CACNA1A: variants seen among roughly 807,000 people sequenced by gnomAD.
CACNA1A encodes the protein calcium voltage-gated channel subunit alpha1 A.
CACNA1A carries 57 observed loss-of-function variants against 262.4 expected under a neutral mutation model. That is an observed-to-expected ratio of 0.22 (90% CI 0.18 to 0.27). The LOEUF (loss-of-function observed/expected upper bound fraction) is 0.27, where lower values mean the gene tolerates loss of function less well. Among genes scored for constraint, CACNA1A ranks in the 10% least tolerant of loss-of-function variants. CACNA1A has a pLI of 1.00. For missense variants in CACNA1A, 2,526 were observed against 3,562.8 expected (o/e 0.71, Z 7.41); for synonymous variants, 1,431 against 1,419.3 (o/e 1.01, Z -0.18).
intron 11 of CACNA1A, chr19:13,315,688 G>C (rs10401324): frequency 0.091 from 13,803 of 152,338 alleles, 818 homozygotes; most frequent in African/African-American, 0.17. Context: ...GTGTCCTGGG[G>C]GGTCAGCCAA....
Position 13,286,745 on chromosome 19 carries a change from C to T in CACNA1A, c.3311G>A (p.Gly1104Asp), listed in dbSNP as rs1273185164. 1.9e-6 allele frequency: 3 copies of T among 1,606,400 alleles called. No individual in the cohort carries two copies. Among genetic ancestry groups the T allele is most frequent in the African/African-American group, 1.3e-5 (1 of 74,744 alleles). Residue 1104 changes from glycine (G) to aspartate (D), a missense_variant, in exon 20 of 47, where the codon GGC becomes GAC. This residue lies in a region of CACNA1A where 765 missense variants were observed against 748.6 expected (regional missense o/e 1.02). Coordinates refer to ENST00000360228, the MANE Select transcript of CACNA1A (RefSeq NM_001127222.2). ...CATGGCAGGGATGGCCAGCATGGGGCCGGGGTCGGTGCTGTTTCCCATCTT... is the reference window on the plus strand; with the variant it reads ...CATGGCAGGGATGGCCAGCATGGGGTCGGGGTCGGTGCTGTTTCCCATCTT... ...PAKMGNSTDP[G>D]PMLAIPAMAT...
chr19:13,347,269 C>T (rs1458000890), intron 6 of CACNA1A, among the ~76,000 whole-genome samples: 3 of 151,498 alleles, frequency 2.0e-5, no homozygotes, highest in Non-Finnish European at 4.4e-5. Flanking sequence ...TCACTATGTG[C>T]CTAGGCTGGT....
chr19:13,388,263 T>C (rs2059651477), intron 3 of CACNA1A, among the ~76,000 whole-genome samples: 1 of 143,796 alleles, frequency 7.0e-6, no homozygotes, highest in Admixed American at 7.0e-5. Flanking sequence ...TTTTTTTTTT[T>C]TTTTTTTTTT....
In CACNA1A at chr19:13,379,704, T is replaced by C. The variant is rs188752364; in HGVS notation, c.540-7925A>G. On this transcript the variant is annotated intron_variant, in intron 3 of 46. Coordinates refer to ENST00000360228, the MANE Select transcript of CACNA1A (RefSeq NM_001127222.2). ...ACTTTGGGAGGCCAAGGCTGGCGGATCACAAGGTCAGGAGTTCGAGACCAG... is the reference window on the plus strand; with the variant it reads ...ACTTTGGGAGGCCAAGGCTGGCGGACCACAAGGTCAGGAGTTCGAGACCAG... Among the ~76,000 whole-genome samples the C allele has an allele frequency of 1.6e-3, 247 of 151,864 alleles. 1 individual carries two copies. Among genetic ancestry groups the C allele is most frequent in the Middle Eastern group, 3.4e-3 (1 of 294 alleles).
intron 1 of CACNA1A, among the ~76,000 whole-genome samples, chr19:13,473,653 T>C (rs1978296835): frequency 6.6e-6 from 1 of 152,180 alleles, no homozygotes; most frequent in African/African-American, 2.4e-5. Flanking sequence ...TCTTTTCCTG[T>C]TACAAGTTCC....
chr19:13,245,640 G>T, intron 30 of CACNA1A: 1 of 196,824 alleles, frequency 5.1e-6, no homozygotes, highest in Admixed American at 5.9e-5. Flanking sequence ...GGAGGGAAGG[G>T]TTATCACCCA....
chr19:13,402,771 T>C (rs371881972), intron 3 of CACNA1A, among the ~76,000 whole-genome samples: 5 of 130,764 alleles, frequency 3.8e-5, no homozygotes, highest in Non-Finnish European at 6.2e-5. Flanking sequence ...TATATATACA[T>C]ATATATACAT....
chr19:13,492,541 G>A (rs1981015699), intron 1 of CACNA1A, among the ~76,000 whole-genome samples: 1 of 152,146 alleles, frequency 6.6e-6, no homozygotes, highest in Non-Finnish European at 1.5e-5. Flanking sequence ...TCTGTCCTAG[G>A]GAAACAGTGA....
chr19:13,235,931 G>A (rs544242498), intron 31 of CACNA1A: 2 of 517,460 alleles, frequency 3.9e-6, no homozygotes, highest in Admixed American at 3.4e-5. Flanking sequence ...GGGAGAGAGA[G>A]GGTGGGAGGG....
intron 6 of CACNA1A, among the ~76,000 whole-genome samples, chr19:13,340,546 C>T (rs1479406009): frequency 6.6e-6 from 1 of 151,748 alleles, no homozygotes; most frequent in Admixed American, 6.6e-5. Context: ...CCTGCCTCAC[C>T]CTCCCAAGTA....
At position 13,212,710 on chromosome 19, in the gene CACNA1A, C is replaced by T. The variant is rs2054860673; in HGVS notation, c.5971G>A (p.Glu1991Lys). 1 of 1,507,818 alleles carries T rather than the reference C, an allele frequency of 6.6e-7. No individual in the cohort carries two copies. The highest frequency in any genetic ancestry group is 8.9e-7 in the Non-Finnish European group (1 of 1,129,110). 93.4% of individuals were successfully genotyped at this position (1,507,818 alleles called of 1,614,324 possible). A position where few individuals can be genotyped will look rare whatever the true frequency, so the allele number is the denominator to read the frequency against. Residue 1991 changes from glutamate to lysine, a missense_variant, in exon 41 of 47, where the codon GAG becomes AAG. Transcript: ENST00000360228. The surrounding 1 kb of genome is among the most constrained non-coding windows in gnomAD (Gnocchi z 5.6). The stretch of plus-strand genomic sequence containing the variant: ...CCTTCCTGCGTTGGGGACGGGGGCT[C>T]CATGCGCTGGAACATGAGGGGTGTC... Reference protein sequence around the residue: ...DRTPLMFQRMEPPSPTQEGGP... With the variant: ...DRTPLMFQRMKPPSPTQEGGP...
intron 3 of CACNA1A, among the ~76,000 whole-genome samples, chr19:13,380,909 G>A (rs1272674233): frequency 1.3e-5 from 2 of 151,870 alleles, no homozygotes; most frequent in Admixed American, 1.3e-4. Context: ...AAGTAGCTGG[G>A]ACTACAGGTG....
chr19:13,454,473 C>T (rs998837910), intron 2 of CACNA1A, among the ~76,000 whole-genome samples: 10 of 151,906 alleles, frequency 6.6e-5, no homozygotes, highest in South Asian at 2.1e-4. Flanking sequence ...CGGGTTCAAG[C>T]GATTCTCCTG....
chr19:13,362,834 G>A (rs1474196970), intron 5 of CACNA1A: 1 of 152,178 alleles, frequency 6.6e-6, no homozygotes, highest in Non-Finnish European at 1.5e-5. Flanking sequence ...GCACGGTGCT[G>A]GGCACACAGG....
intron 10 of CACNA1A, among the ~76,000 whole-genome samples, chr19:13,319,432 CCATT>C (rs2058201562): frequency 6.6e-6 from 1 of 152,202 alleles, no homozygotes; most frequent in Admixed American, 6.5e-5. Flanking sequence ...ATTCATCCAT[CCATT>C]CATTATTCAT....
intron 30 of CACNA1A, among the ~76,000 whole-genome samples, chr19:13,250,439 C>G (rs1259069272): frequency 1.3e-5 from 2 of 151,892 alleles, no homozygotes; most frequent in Non-Finnish European, 2.9e-5. Flanking sequence ...CTCTGTCACC[C>G]AGGCTGGAGT....
At chr19:13,374,441 G>A (rs1303974252) in intron 3 of CACNA1A, among the ~76,000 whole-genome samples, 2 of 151,974 alleles carry the variant, frequency 1.3e-5, no homozygotes, top group African/African-American at 4.8e-5. Context: ...GTAGAGATGG[G>A]GTCTTGCTAT....
intron 19 of CACNA1A, among the ~76,000 whole-genome samples, chr19:13,296,061 T>C (rs753736968): frequency 1.8e-4 from 27 of 152,308 alleles, no homozygotes; most frequent in Non-Finnish European, 3.7e-4. Context: ...GGTGATTTTG[T>C]GTATGGTGTA....
At position 13,506,186 on chromosome 19, in the gene CACNA1A, C is replaced by G. The variant is rs1377251664; in HGVS notation, c.39G>C (p.Gly13=). Residue 13 remains glycine (G), a synonymous_variant, in exon 1 of 47, where the codon GGG becomes GGC. Coordinates refer to ENST00000360228, the MANE Select transcript of CACNA1A (RefSeq NM_001127222.2). ...CGGCGGCTGCCCCGGAGCCTCCTCCCCCGTAGCGGGCCGGCATCTCGTCTC... is the reference window on the plus strand; with the variant it reads ...CGGCGGCTGCCCCGGAGCCTCCTCCGCCGTAGCGGGCCGGCATCTCGTCTC... ...RFGDEMPARY[G]GGGSGAAAGV... 1 of 1,508,718 alleles carries G rather than the reference C, an allele frequency of 6.6e-7. No individual in the cohort carries two copies. Among genetic ancestry groups the G allele is most frequent in the East Asian group, 2.5e-5 (1 of 40,804 alleles). 93.5% of individuals were successfully genotyped at this position (1,508,718 alleles called of 1,614,324 possible). A position where few individuals can be genotyped will look rare whatever the true frequency, so the allele number is the denominator to read the frequency against.
Sources: gnomAD v4.1 joint callset for allele counts (sites outside exome capture counted in the v4.1 genomes callset) on GRCh38, gnomAD v4.1.1 for gene constraint, gnomAD v4.1.1 regional missense constraint, Gnocchi (gnomAD v3.1) non-coding constraint, MANE v1.5 for transcripts, NCBI Gene and HGNC (gene_info 2026-07-23, HGNC 2026-07-21) for gene names.